The following UTRN variants were observed in gnomAD, a reference collection of about 807,000 sequenced individuals.
UTRN encodes the protein utrophin.
Under a neutral mutation model 463.9 loss-of-function variants are expected in UTRN, and 283 were observed. The observed-to-expected ratio is 0.61, with a 90% CI of 0.55 to 0.67. The LOEUF (loss-of-function observed/expected upper bound fraction) is 0.67, where lower values mean the gene tolerates loss of function less well. Ranked by LOEUF, UTRN falls within the 30% of genes least tolerant of loss-of-function variation. UTRN has a pLI of 0.00. For synonymous variants in UTRN, 1,442 were observed against 1,431.5 expected (o/e 1.01, Z -0.17); for missense variants, 3,922 against 4,084.3 (o/e 0.96, Z 1.08).
At chr6:144,797,313 C>T (rs1256613016) in intron 63 of UTRN, among the ~76,000 whole-genome samples, 4 of 151,972 alleles carry the variant, frequency 2.6e-5, no homozygotes, top group African/African-American at 4.8e-5. Flanking sequence ...CTCAGCCTCC[C>T]GAGTAGCTGG....
At chr6:144,500,127 CCAGTAATCAGATTTCTGGGT>C (rs1265550986) in intron 34 of UTRN, among the ~76,000 whole-genome samples, 1 of 151,910 alleles carries the variant, frequency 6.6e-6, no homozygotes, top group African/African-American at 2.4e-5. Flanking sequence ...GCCTATATAC[CCAGTAATCAGATTTCTGGGT>C]CAGTAATCAG....
chr6:144,379,211 G>A (rs1480696538), intron 2 of UTRN, among the ~76,000 whole-genome samples: 1 of 131,332 alleles, frequency 7.6e-6, no homozygotes, highest in African/African-American at 3.0e-5. Context: ...GTTATCTATT[G>A]CTCTGTAACA....
At chr6:144,815,157 A>G (rs1236679032) in intron 65 of UTRN, among the ~76,000 whole-genome samples, 1 of 152,248 alleles carries the variant, frequency 6.6e-6, no homozygotes, top group African/African-American at 2.4e-5. Flanking sequence ...TTAAAATCTC[A>G]TGATATTTAA....
At chr6:144,777,421 T>C (rs1216402430) in intron 60 of UTRN, among the ~76,000 whole-genome samples, 1 of 152,210 alleles carries the variant, frequency 6.6e-6, no homozygotes, top group Non-Finnish European at 1.5e-5. Flanking sequence ...GCAAAACTAA[T>C]GCTATATACA....
intron 55 of UTRN, among the ~76,000 whole-genome samples, chr6:144,749,718 C>T (rs1255257119): frequency 6.6e-6 from 1 of 152,068 alleles, no homozygotes; most frequent in East Asian, 1.9e-4. Context: ...AAACAAAAAC[C>T]AAAGACCTTG....
At chr6:144,294,379 T>C (rs1324577789) in intron 2 of UTRN, among the ~76,000 whole-genome samples, 2 of 152,216 alleles carry the variant, frequency 1.3e-5, no homozygotes, top group Non-Finnish European at 2.9e-5. Context: ...ATGCTTACTA[T>C]ACAGAGGTAA....
intron 2 of UTRN, among the ~76,000 whole-genome samples, chr6:144,321,929 G>A (rs9496928): frequency 0.14 from 20,733 of 151,754 alleles, 4,178 homozygotes; most frequent in African/African-American, 0.44. Context: ...ACGCCTGGCT[G>A]ATTTTTGCAT....
At chr6:144,722,672 A>C (rs1385273836) in intron 53 of UTRN, among the ~76,000 whole-genome samples, 1 of 152,124 alleles carries the variant, frequency 6.6e-6, no homozygotes, top group Non-Finnish European at 1.5e-5. Flanking sequence ...CAATTAGATA[A>C]AATTTAAAAT....
At chr6:144,548,563 A>G in intron 46 of UTRN, 77 bp from the exon 47 acceptor site, 4 of 1,353,168 alleles carry the variant, frequency 3.0e-6, no homozygotes, top group Admixed American at 2.1e-5. Flanking sequence ...AAATACACAT[A>G]CACGTGTCAC....
chr6:144,339,549 A>G (rs1776981547), intron 2 of UTRN, among the ~76,000 whole-genome samples: 1 of 148,744 alleles, frequency 6.7e-6, no homozygotes, highest in African/African-American at 2.6e-5. Context: ...AACTCTGTGT[A>G]CTCTTTTCTT....
At chr6:144,378,956 G>C (rs2114731768) in intron 2 of UTRN, among the ~76,000 whole-genome samples, 1 of 152,288 alleles carries the variant, frequency 6.6e-6, no homozygotes, top group South Asian at 2.1e-4. Context: ...TAGAAGAAAG[G>C]ATTCATTTCA....
At position 144,789,117 on chromosome 6, in the gene UTRN, A is replaced by G. The variant is rs1419633831; in HGVS notation, c.8835-77A>G. 4 of 1,176,462 alleles carry G rather than the reference A, an allele frequency of 3.4e-6. No individual in the cohort carries two copies. In the African/African-American group the frequency reaches 4.7e-5, roughly 14 times the overall value. 72.9% of individuals were successfully genotyped at this position (1,176,462 alleles called of 1,614,324 possible). A position where few individuals can be genotyped will look rare whatever the true frequency, so the allele number is the denominator to read the frequency against. On this transcript the variant is annotated intron_variant, in intron 61 of 74. Coordinates refer to ENST00000367545, the MANE Select transcript of UTRN (RefSeq NM_007124.3). ...TTTTTGATGGTTTACCCCCAAGAAA[A>G]TAGATATTCAGAAACAATGAACATG... is the stretch of plus-strand genomic sequence containing the variant.
intron 60 of UTRN, among the ~76,000 whole-genome samples, chr6:144,780,076 G>A (rs1365227789): frequency 6.6e-6 from 1 of 152,108 alleles, no homozygotes; most frequent in Non-Finnish European, 1.5e-5. Flanking sequence ...CAGACAGCTA[G>A]CATGGACACA....
rs1254722878 is a variant in UTRN at position 144,846,910 on chromosome 6, A to G, written c.10293+83A>G. The G allele has an allele frequency of 3.9e-6, 6 of 1,539,344 alleles. No homozygotes were observed. In the African/African-American group the frequency reaches 4.1e-5, roughly 11 times the overall value. ...ATTATCCACGACTGATTTTATTCCT[A>G]CTTTATTCTCCATGTAAATAAGTAA... On this transcript the variant is annotated intron_variant, in intron 74 of 74. Transcript: ENST00000367545.
chr6:144,694,928 G>T (rs148686828), intron 52 of UTRN, among the ~76,000 whole-genome samples: 1 of 148,692 alleles, frequency 6.7e-6, no homozygotes, highest in East Asian at 2.0e-4. Context: ...TATTTTAAAA[G>T]ATTTTGATCC....
intron 51 of UTRN, among the ~76,000 whole-genome samples, chr6:144,591,368 A>G (rs1375037510): frequency 6.6e-6 from 1 of 152,148 alleles, no homozygotes; most frequent in African/African-American, 2.4e-5. Flanking sequence ...GAAATGCAAG[A>G]AAAAACTTCC....
At chr6:144,755,723 A>G (rs1791919964) in intron 57 of UTRN, among the ~76,000 whole-genome samples, 1 of 152,200 alleles carries the variant, frequency 6.6e-6, no homozygotes, top group Non-Finnish European at 1.5e-5. Context: ...AGTAAACTTT[A>G]AAACTTAGGG....
At chr6:144,482,100 T>C (rs1791946573) in intron 26 of UTRN, 109 bp from the exon 27 acceptor site, 1 of 947,370 alleles carries the variant, frequency 1.1e-6, no homozygotes, top group Non-Finnish European at 1.5e-6. Context: ...GTTAGAATCA[T>C]CCAGATGTTT....
intron 1 of UTRN, 86 bp from the exon 2 acceptor site, chr6:144,291,651 T>C: frequency 2.2e-6 from 1 of 446,036 alleles, no homozygotes; most frequent in Non-Finnish European, 3.9e-6. Context: ...TCAATAAATA[T>C]TTGGTGAATG....
Sources: gnomAD v4.1 joint callset for allele counts (sites outside exome capture counted in the v4.1 genomes callset) on GRCh38, gnomAD v4.1.1 for gene constraint, MANE v1.5 for transcripts, NCBI Gene and HGNC (gene_info 2026-07-23, HGNC 2026-07-21) for gene names.